Variants in ATP2C1 observed in about 807,000 individuals in gnomAD.
ATP2C1 encodes calcium-transporting ATPase type 2C member 1.
In ATP2C1, 31 loss-of-function variants were observed where a neutral mutation model predicts 120.5. That is an observed-to-expected ratio of 0.26 (90% CI 0.19 to 0.35). The LOEUF (loss-of-function observed/expected upper bound fraction) is 0.35, where lower values mean the gene tolerates loss of function less well. Ranked by LOEUF, ATP2C1 falls within the 10% of genes least tolerant of loss-of-function variation. The pLI is 1.00. For synonymous variants in ATP2C1, 351 were observed against 358.7 expected (o/e 0.98, Z 0.24); for missense variants, 731 against 1,107.5 (o/e 0.66, Z 4.83).
intron 4 of ATP2C1, among the ~76,000 whole-genome samples, chr3:130,933,600 T>C (rs1345626006): frequency 6.6e-6 from 1 of 152,234 alleles, no homozygotes; most frequent in Middle Eastern, 3.2e-3. Flanking sequence ...CTGAACCATA[T>C]TGCAGTTGCA....
intron 8 of ATP2C1, among the ~76,000 whole-genome samples, chr3:130,951,160 A>G (rs931116698): frequency 1.3e-5 from 2 of 152,174 alleles, no homozygotes; most frequent in Admixed American, 6.5e-5. Context: ...CAGATAATAC[A>G]TAATTTTTTA....
chr3:130,945,499 A>C (rs2108487584), intron 8 of ATP2C1, among the ~76,000 whole-genome samples: 1 of 138,290 alleles, frequency 7.2e-6, no homozygotes, highest in South Asian at 2.5e-4. Context: ...ATATCTCCTA[A>C]TGCTGTCCCT....
At chr3:131,012,339 CCT>C (rs1207309239) in intron 26 of ATP2C1, among the ~76,000 whole-genome samples, 2 of 149,210 alleles carry the variant, frequency 1.3e-5, no homozygotes, top group Non-Finnish European at 3.0e-5. Context: ...TTCACTGCAG[CCT>C]CTGTCTCCCG....
chr3:130,900,608 T>G (rs2057774120), intron 2 of ATP2C1, among the ~76,000 whole-genome samples: 1 of 152,136 alleles, frequency 6.6e-6, no homozygotes, highest in Non-Finnish European at 1.5e-5. Flanking sequence ...TTTTTGAAAA[T>G]TTAAACACGC....
chr3:130,956,610 G>T (rs177952), intron 11 of ATP2C1, among the ~76,000 whole-genome samples: 134,764 of 150,430 alleles, frequency 0.9, 60,598 homozygotes, highest in Non-Finnish European at 0.95. Flanking sequence ...GTTTTTTTTT[G>T]GTCATATAAA....
rs190114116 is a variant in ATP2C1 at position 130,933,052 on chromosome 3, G to A, written c.234+914G>A. On this transcript the variant is annotated intron_variant, in intron 4 of 27. Transcript: ENST00000510168. Reference sequence around the variant, plus strand: ...CCCACATTACCAAAGACTTCAGAAAGCATTAACATAGTTTACTCTGGATTT... The same window carrying A: ...CCCACATTACCAAAGACTTCAGAAAACATTAACATAGTTTACTCTGGATTT... Among the ~76,000 whole-genome samples, 35 of 152,242 alleles carry A rather than the reference G, an allele frequency of 2.3e-4. No homozygotes were observed. The East Asian group carries it at 6.6e-3, about 29-fold the overall frequency.
intron 5 of ATP2C1, among the ~76,000 whole-genome samples, chr3:130,935,890 A>C (rs1224646148): frequency 6.6e-6 from 1 of 152,300 alleles, no homozygotes; most frequent in East Asian, 1.9e-4. Flanking sequence ...TTGTATATTG[A>C]AATACAATGG....
intron 6 of ATP2C1, among the ~76,000 whole-genome samples, chr3:130,938,819 CA>C (rs2108426508): frequency 6.6e-6 from 1 of 152,230 alleles, no homozygotes; most frequent in East Asian, 1.9e-4. Context: ...AGGATTCCTG[CA>C]AATAGTATCA....
chr3:130,991,603 G>T (rs2062350220), intron 20 of ATP2C1, among the ~76,000 whole-genome samples: 1 of 152,166 alleles, frequency 6.6e-6, no homozygotes, highest in South Asian at 2.1e-4. Flanking sequence ...GAAGGGAAGA[G>T]AAGTGGTTTT....
At chr3:130,999,920 G>A (rs1255841209) in intron 27 of ATP2C1, among the ~76,000 whole-genome samples, 1 of 152,074 alleles carries the variant, frequency 6.6e-6, no homozygotes, top group Non-Finnish European at 1.5e-5. Context: ...ATCAAAACCT[G>A]CTCTAGAGTA....
intron 2 of ATP2C1, among the ~76,000 whole-genome samples, chr3:130,922,196 A>G (rs1398889212): frequency 2.0e-5 from 3 of 151,996 alleles, no homozygotes; most frequent in African/African-American, 7.3e-5. Context: ...GGAGAGTTTT[A>G]TATTTCTAGG....
chr3:130,905,645 G>T (rs150480740), intron 2 of ATP2C1, among the ~76,000 whole-genome samples: 18 of 152,124 alleles, frequency 1.2e-4, no homozygotes, highest in African/African-American at 4.3e-4. Flanking sequence ...ATAAAATTAG[G>T]TTCACTTGTT....
At chr3:130,956,031 G>T in intron 10 of ATP2C1, 73 bp from the exon 11 acceptor site, 1 of 1,018,544 alleles carries the variant, frequency 9.8e-7, no homozygotes, top group Non-Finnish European at 1.6e-6. Context: ...CAAGCACTTA[G>T]CAAGCCCCTG....
In ATP2C1 at chr3:130,872,873, G is replaced by A. The variant is rs565758123; in HGVS notation, c.108+21945G>A. Reference sequence around the variant, plus strand: ...GCTGGGATTACAGGTGTGAGCCACTGCGCCCAGCTTGAGCAGTACTTTTCA... The same window carrying A: ...GCTGGGATTACAGGTGTGAGCCACTACGCCCAGCTTGAGCAGTACTTTTCA... On this transcript the variant is annotated intron_variant, in intron 1 of 26. Transcript: ENST00000504381. Among the ~76,000 whole-genome samples the A allele has an allele frequency of 2.5e-4, 38 of 152,172 alleles. No homozygotes were observed. In the South Asian group the frequency reaches 5.6e-3, roughly 22 times the overall value.
At position 130,976,882 on chromosome 3, in the gene ATP2C1, C is replaced by G. The variant is rs556544106; in HGVS notation, c.1570+1394C>G. ...AGCCAAATGTACAATTGCCAACTGA[C>G]ACTCTGGATAATTGAGCACAGGGGG... On this transcript the variant is annotated intron_variant, in intron 18 of 27. Transcript: ENST00000510168. 2.2e-4 allele frequency among the ~76,000 whole-genome samples: 33 copies of G among 152,318 alleles called. No homozygotes were observed. The South Asian group carries it at 6.8e-3, about 32-fold the overall frequency.
At chr3:130,853,274 A>C (rs1001816541) in intron 1 of ATP2C1, among the ~76,000 whole-genome samples, 4 of 152,230 alleles carry the variant, frequency 2.6e-5, no homozygotes, top group African/African-American at 7.2e-5. Flanking sequence ...AATAAGGAAG[A>C]TTAGCTTTTA....
intron 18 of ATP2C1, among the ~76,000 whole-genome samples, chr3:130,977,329 T>C (rs1048972327): frequency 6.6e-6 from 1 of 152,200 alleles, no homozygotes; most frequent in African/African-American, 2.4e-5. Flanking sequence ...AAAAGACCGT[T>C]GGTGAACAAA....
chr3:130,940,636 C>T lies in ATP2C1; in HGVS notation c.367C>T (p.Arg123Cys), dbSNP rs917169261. ...VVTVAFVQEY[R>C]SEKSLEELSK... The stretch of plus-strand genomic sequence containing the variant: ...CTTTTTTTTGTTTGAATAGGAATAT[C>T]GTTCAGAAAAATCTCTTGAAGAATT... The change falls in exon 7 of 28, where the codon CGT (arginine) becomes TGT (cysteine). Residue 123 changes from arginine to cysteine, a missense_variant. Physicochemically the swap from Arg to Cys is radical, Grantham distance 180 (BLOSUM62 -3). Transcript: ENST00000510168. 1 of 1,607,986 alleles carries T rather than the reference C, an allele frequency of 6.2e-7. No homozygotes were observed. The highest frequency in any genetic ancestry group is 8.5e-7 in the Non-Finnish European group (1 of 1,174,902).
chr3:130,975,255 G>A (rs1559998659), intron 17 of ATP2C1, 77 bp from the exon 18 acceptor site: 1 of 1,395,528 alleles, frequency 7.2e-7, no homozygotes, highest in South Asian at 1.2e-5. Flanking sequence ...AGAAATGAAT[G>A]CCACTTAATT....
Sources: allele counts gnomAD v4.1 joint callset (sites outside exome capture counted in the v4.1 genomes callset), GRCh38; gene constraint gnomAD v4.1.1; transcripts MANE v1.5; gene names NCBI Gene and HGNC (gene_info 2026-07-23, HGNC 2026-07-21).